The following PDSS2 variants were observed in gnomAD, a reference collection of about 807,000 sequenced individuals.
PDSS2 encodes the protein decaprenyl diphosphate synthase subunit 2, also known as all trans-polyprenyl-diphosphate synthase PDSS2.
Under a neutral mutation model 44.5 loss-of-function variants are expected in PDSS2, and 31 were observed. The ratio of observed to expected loss-of-function variants is 0.70; its 90% CI spans 0.52 to 0.94. The LOEUF (loss-of-function observed/expected upper bound fraction) is 0.94, where lower values mean the gene tolerates loss of function less well. Among genes scored for constraint, PDSS2 ranks in the 40% least tolerant of loss-of-function variants. The pLI is 0.00. For synonymous variants in PDSS2, 157 were observed against 180.3 expected (o/e 0.87, Z 1.03); for missense variants, 452 against 482.2 (o/e 0.94, Z 0.59).
chr6:107,434,045 C>T (rs1781272249), intron 1 of PDSS2, among the ~76,000 whole-genome samples: 1 of 152,152 alleles, frequency 6.6e-6, no homozygotes, highest in African/African-American at 2.4e-5. Flanking sequence ...CAAATCAAAA[C>T]TACAACGAGA....
rs187522506 is a variant in PDSS2, at chr6:107,190,738, C to T, written c.1041+3084G>A. Reference sequence around the variant, plus strand: ...GCAGAGGGGACAGCATGAGTGAAGGCGCAGAGAACAGAAGCAGTATGCTTT... The same window carrying T: ...GCAGAGGGGACAGCATGAGTGAAGGTGCAGAGAACAGAAGCAGTATGCTTT... On this transcript the variant is annotated intron_variant, in intron 7 of 7. Transcript: ENST00000369037. 3.4e-4 allele frequency among the ~76,000 whole-genome samples: 52 copies of T among 152,218 alleles called. 2 individuals are homozygous for T. Among genetic ancestry groups the T allele is most frequent in the African/African-American group, 1.2e-3 (48 of 41,526 alleles).
At chr6:107,380,773 T>C (rs1360583193) in intron 1 of PDSS2, among the ~76,000 whole-genome samples, 1 of 152,206 alleles carries the variant, frequency 6.6e-6, no homozygotes, top group African/African-American at 2.4e-5. Context: ...CTCAATTATC[T>C]GATAAATCTA....
At chr6:107,216,722 A>C (rs1773425179) in intron 4 of PDSS2, among the ~76,000 whole-genome samples, 3 of 152,196 alleles carry the variant, frequency 2.0e-5, no homozygotes, top group Admixed American at 2.0e-4. Context: ...ATATGGGAAA[A>C]ATAAACAAAG....
At chr6:107,334,462 C>A in intron 1 of PDSS2, 130 bp from the exon 2 acceptor site, 1 of 811,062 alleles carries the variant, frequency 1.2e-6, no homozygotes, top group South Asian at 1.5e-5. Flanking sequence ...GAAACAGGGT[C>A]AGGGAGGAAA....
At chr6:107,241,816 CTGCTAT>C (rs1774445010) in intron 4 of PDSS2, among the ~76,000 whole-genome samples, 1 of 152,182 alleles carries the variant, frequency 6.6e-6, no homozygotes, top group South Asian at 2.1e-4. Flanking sequence ...AGAAAACAGA[CTGCTAT>C]TGTATCCTCT....
chr6:107,194,911 G>A (rs1424145268), intron 6 of PDSS2, among the ~76,000 whole-genome samples: 1 of 151,898 alleles, frequency 6.6e-6, no homozygotes, highest in Non-Finnish European at 1.5e-5. Context: ...CTGAGATCAT[G>A]CCACTGCACT....
At chr6:107,367,444 A>G (rs1233209495) in intron 1 of PDSS2, among the ~76,000 whole-genome samples, 1 of 152,226 alleles carries the variant, frequency 6.6e-6, no homozygotes, top group Non-Finnish European at 1.5e-5. Context: ...CAAGGTAAGG[A>G]TGTCAGTTCA....
intron 2 of PDSS2, among the ~76,000 whole-genome samples, chr6:107,274,445 C>T (rs971066356): frequency 1.7e-4 from 26 of 152,074 alleles, no homozygotes; most frequent in African/African-American, 6.3e-4. Context: ...ACTCCTCACT[C>T]TTCCCCACAA....
At chr6:107,315,590 T>C (rs984029797) in intron 2 of PDSS2, among the ~76,000 whole-genome samples, 2 of 152,078 alleles carry the variant, frequency 1.3e-5, no homozygotes, top group Admixed American at 1.3e-4. Flanking sequence ...TGAGAATTCA[T>C]TAAAAAGAAA....
intron 7 of PDSS2, among the ~76,000 whole-genome samples, chr6:107,177,380 G>A (rs1221169963): frequency 2.0e-5 from 3 of 152,062 alleles, no homozygotes; most frequent in African/African-American, 4.8e-5. Flanking sequence ...CAGGTGATCC[G>A]CCCGCCTTGG....
Position 107,237,346 on chromosome 6 carries a change from C to T in PDSS2, c.702+8202G>A, listed in dbSNP as rs181815950. Among the ~76,000 whole-genome samples the T allele has an allele frequency of 3.0e-3, 452 of 151,860 alleles. 3 individuals are homozygous for T. The highest frequency in any genetic ancestry group is 0.01 in the African/African-American group (429 of 41,428). ...GCAACCTCCATCTCCCAGGTACAAG[C>T]GATTCTCCTGCCTCAGCCTCCCAAG... On this transcript the variant is annotated intron_variant, in intron 4 of 7. Transcript: ENST00000369037.
At chr6:107,225,273 T>A (rs111264699) in intron 4 of PDSS2, among the ~76,000 whole-genome samples, 1 of 142,328 alleles carries the variant, frequency 7.0e-6, no homozygotes, top group African/African-American at 2.9e-5. Context: ...CCCGGGTTCA[T>A]GTGATTCTCT....
chr6:107,390,049 A>G (rs532085990), intron 1 of PDSS2, among the ~76,000 whole-genome samples: 336 of 152,268 alleles, frequency 2.2e-3, no homozygotes, highest in Non-Finnish European at 3.9e-3. Context: ...GTATAAATAA[A>G]TATCCCTGAG....
rs189502245 is a variant in PDSS2, at chr6:107,167,361, T to C, written c.1042-12584A>G. 2.0e-5 allele frequency among the ~76,000 whole-genome samples: 3 copies of C among 152,322 alleles called. No individual in the cohort carries two copies. In the East Asian group the frequency reaches 5.8e-4, roughly 29 times the overall value. On this transcript the variant is annotated intron_variant, in intron 7 of 7. Transcript: ENST00000369037. ...ATTTTTTATTGCGTCTATTTGATTC[T>C]TCTCTCTTTTCTTCTTTATTAGTCT...
chr6:107,289,605 AG>A (rs1430437478), intron 2 of PDSS2, among the ~76,000 whole-genome samples: 1 of 151,564 alleles, frequency 6.6e-6, no homozygotes, highest in African/African-American at 2.4e-5. Flanking sequence ...TTGAGGTGGG[AG>A]GATCACTTGA....
intron 2 of PDSS2, among the ~76,000 whole-genome samples, chr6:107,295,746 A>T (rs1437074292): frequency 1.3e-5 from 2 of 152,176 alleles, no homozygotes; most frequent in Non-Finnish European, 2.9e-5. Flanking sequence ...GGAGAAGGAA[A>T]AAGTTTGATT....
At chr6:107,352,901 T>A (rs1235445688) in intron 1 of PDSS2, among the ~76,000 whole-genome samples, 2 of 152,190 alleles carry the variant, frequency 1.3e-5, no homozygotes, top group Non-Finnish European at 2.9e-5. Context: ...TGAGAAACTC[T>A]GATTTAGAGA....
chr6:107,204,325 G>T (rs1438901870), intron 6 of PDSS2, among the ~76,000 whole-genome samples: 1 of 152,076 alleles, frequency 6.6e-6, no homozygotes, highest in Non-Finnish European at 1.5e-5. Flanking sequence ...ATATTCCATT[G>T]TATGGATATA....
At chr6:107,251,053 A>G (rs1774800552) in intron 3 of PDSS2, among the ~76,000 whole-genome samples, 1 of 152,024 alleles carries the variant, frequency 6.6e-6, no homozygotes, top group Admixed American at 6.6e-5. Flanking sequence ...ACAGGATTTC[A>G]CCATGTTGGC....
Sources: allele counts gnomAD v4.1 joint callset (sites outside exome capture counted in the v4.1 genomes callset), GRCh38; gene constraint gnomAD v4.1.1; transcripts MANE v1.5; gene names NCBI Gene and HGNC (gene_info 2026-07-23, HGNC 2026-07-21).